PVT1: variants seen among roughly 807,000 people sequenced by gnomAD.
PVT1 encodes CXCR4/PVT1 fusion.
intron 3 of PVT1, among the ~76,000 whole-genome samples, chr8:127,953,871 C>T (rs1032716354): frequency 1.9e-4 from 29 of 152,036 alleles, no homozygotes; most frequent in Non-Finnish European, 3.1e-4. Flanking sequence ...GTAGGTGCCT[C>T]GTTCATAATT....
At chr8:127,873,557 T>C (rs1402889187) in intron 2 of PVT1, among the ~76,000 whole-genome samples, 1 of 152,074 alleles carries the variant, frequency 6.6e-6, no homozygotes, top group African/African-American at 2.4e-5. Context: ...GCAATTTGCA[T>C]GGATTGTCTC....
At chr8:128,010,642 G>C (rs1235209546) in intron 4 of PVT1, 1 of 152,144 alleles carries the variant, frequency 6.6e-6, no homozygotes, top group African/African-American at 2.4e-5. Context: ...AATGGCCTCT[G>C]ACTTTTAAGA....
At chr8:127,871,554 G>A (rs1227671030) in intron 2 of PVT1, among the ~76,000 whole-genome samples, 5 of 152,070 alleles carry the variant, frequency 3.3e-5, no homozygotes, top group East Asian at 1.9e-4. Flanking sequence ...CACCAGAATC[G>A]GGTAAAGTAT....
intron 3 of PVT1, among the ~76,000 whole-genome samples, chr8:127,983,035 G>C (rs1013655120): frequency 3.3e-5 from 5 of 152,172 alleles, no homozygotes; most frequent in African/African-American, 1.2e-4. Flanking sequence ...CCGTATTAAG[G>C]GCTCGGCCTT....
intron 2 of PVT1, among the ~76,000 whole-genome samples, chr8:127,873,927 A>G (rs1404784760): frequency 1.3e-5 from 2 of 152,236 alleles, no homozygotes; most frequent in African/African-American, 4.8e-5. Context: ...CTAGTGGATG[A>G]ATACCCAGTG....
chr8:128,042,884 C>T (rs1421814719), intron 4 of PVT1, among the ~76,000 whole-genome samples: 1 of 152,098 alleles, frequency 6.6e-6, no homozygotes, highest in African/African-American at 2.4e-5. Context: ...ATGCCTCAGC[C>T]TCCCAAGTAG....
intron 4 of PVT1, among the ~76,000 whole-genome samples, chr8:128,043,831 T>TG (rs1491092868): frequency 2.7e-5 from 3 of 110,958 alleles, no homozygotes; most frequent in African/African-American, 8.0e-5. Flanking sequence ...ACATCTTGTC[T>TG]TTTTTTTTTT....
chr8:127,846,760 C>T (rs928490215), intron 2 of PVT1, among the ~76,000 whole-genome samples: 6 of 150,510 alleles, frequency 4.0e-5, no homozygotes, highest in Admixed American at 6.6e-5. Context: ...CAACCTCTGC[C>T]TTCCGGATTC....
intron 5 of PVT1, among the ~76,000 whole-genome samples, chr8:128,087,208 T>A (rs1490280352): frequency 6.6e-6 from 1 of 152,178 alleles, no homozygotes; most frequent in Non-Finnish European, 1.5e-5. Context: ...ACAGCTCAGA[T>A]GTGACAAAAC....
At chr8:128,001,915 C>T (rs537768976) in intron 4 of PVT1, among the ~76,000 whole-genome samples, 20 of 152,088 alleles carry the variant, frequency 1.3e-4, no homozygotes, top group South Asian at 4.2e-4. Flanking sequence ...GTGACTGGAT[C>T]GCCTCCCAAA....
chr8:127,951,348 C>T (rs969694916), intron 3 of PVT1, among the ~76,000 whole-genome samples: 8 of 152,168 alleles, frequency 5.3e-5, no homozygotes, highest in Non-Finnish European at 4.4e-5. Context: ...TGTCCACAGC[C>T]GTGTTGTTGT....
chr8:127,943,170 G>T (rs76883406), intron 3 of PVT1, among the ~76,000 whole-genome samples: 1 of 152,170 alleles, frequency 6.6e-6, no homozygotes, highest in Non-Finnish European at 1.5e-5. Flanking sequence ...GAGTGTTCCT[G>T]CCCGTTGATG....
intron 4 of PVT1, chr8:128,070,126 T>C (rs1462270331): frequency 6.6e-6 from 1 of 152,128 alleles, no homozygotes. Context: ...AGATCTCAAT[T>C]TGGTTCTTTT....
intron 3 of PVT1, among the ~76,000 whole-genome samples, chr8:127,966,678 A>G (rs1816706148): frequency 1.3e-5 from 2 of 152,180 alleles, no homozygotes; most frequent in African/African-American, 4.8e-5. Context: ...GTGTGAATTA[A>G]TTTCAACAGA....
At chr8:128,084,129 A>T (rs1483668040) in intron 5 of PVT1, among the ~76,000 whole-genome samples, 1 of 152,106 alleles carries the variant, frequency 6.6e-6, no homozygotes, top group Non-Finnish European at 1.5e-5. Flanking sequence ...GGGATCCTTT[A>T]AAAATGTGAA....
intron 3 of PVT1, among the ~76,000 whole-genome samples, chr8:127,962,520 G>A (rs996949120): frequency 1.3e-5 from 2 of 152,144 alleles, no homozygotes; most frequent in African/African-American, 4.8e-5. Flanking sequence ...CAGGGCTAGG[G>A]GTTACCATCC....
At chr8:127,901,212 T>G (rs1046422557) in intron 3 of PVT1, among the ~76,000 whole-genome samples, 1 of 151,766 alleles carries the variant, frequency 6.6e-6, no homozygotes, top group Non-Finnish European at 1.5e-5. Flanking sequence ...GGATGCACAG[T>G]GGAGAGCTGA....
intron 2 of PVT1, among the ~76,000 whole-genome samples, chr8:127,843,877 C>T (rs954947223): frequency 7.2e-5 from 11 of 151,966 alleles, no homozygotes; most frequent in South Asian, 4.2e-4. Flanking sequence ...GCTGCTTGGA[C>T]GATGCCTTCC....
chr8:128,019,744 C>T (rs1269275556), intron 4 of PVT1, among the ~76,000 whole-genome samples: 2 of 152,166 alleles, frequency 1.3e-5, no homozygotes, highest in Non-Finnish European at 2.9e-5. Flanking sequence ...CATGAAGGCT[C>T]ACTGTGTTGC....
Sources: allele counts gnomAD v4.1 joint callset (sites outside exome capture counted in the v4.1 genomes callset), GRCh38; gene constraint gnomAD v4.1.1; transcripts MANE v1.5; gene names NCBI Gene and HGNC (gene_info 2026-07-23, HGNC 2026-07-21).